The following MTUS1 variants were observed in gnomAD, a reference collection of about 807,000 sequenced individuals.
MTUS1 encodes microtubule associated scaffold protein 1.
Under a neutral mutation model 120.8 loss-of-function variants are expected in MTUS1, and 109 were observed. The ratio of observed to expected loss-of-function variants is 0.90; its 90% CI spans 0.77 to 1.06. MTUS1 has a LOEUF of 1.06. MTUS1 is among the 50% of genes least tolerant of loss of function. The pLI, the probability that MTUS1 is intolerant of heterozygous loss-of-function variation, is 0.00. For synonymous variants in MTUS1, 737 were observed against 550.5 expected, an observed-to-expected ratio of 1.34 and a Z score of -4.74; for missense variants, 2,210 against 1,486.3, an observed-to-expected ratio of 1.49 and a Z score of -8.01.
intron 6 of MTUS1, among the ~76,000 whole-genome samples, chr8:17,688,415 A>T (rs6586634): frequency 0.82 from 125,281 of 152,210 alleles, 51,760 homozygotes; most frequent in East Asian, 0.98. Context: ...CCTATCTGTA[A>T]AAAGGTGACA....
At chr8:17,737,782 C>T (rs924023339) in intron 3 of MTUS1, among the ~76,000 whole-genome samples, 6 of 152,108 alleles carry the variant, frequency 3.9e-5, no homozygotes, top group African/African-American at 1.2e-4. Context: ...CCACCATGTC[C>T]GGCCTCAACT....
At chr8:17,707,868 T>C (rs1029275252) in intron 6 of MTUS1, among the ~76,000 whole-genome samples, 3 of 152,324 alleles carry the variant, frequency 2.0e-5, no homozygotes, top group Middle Eastern at 3.4e-3. Context: ...GGCATTTAAA[T>C]GGGGGAAATA....
At chr8:17,765,618 CAA>C (rs3039983) in intron 1 of MTUS1, among the ~76,000 whole-genome samples, 3 of 94,460 alleles carry the variant, frequency 3.2e-5, no homozygotes, top group Admixed American at 1.2e-4. Context: ...GACTCTGTCT[CAA>C]AAAAAAAAAA....
At chr8:17,675,127 C>T in intron 8 of MTUS1, 59 bp downstream of exon 8, 2 of 1,607,638 alleles carry the variant, frequency 1.2e-6, no homozygotes, top group Admixed American at 1.7e-5. Context: ...AGGACAACCA[C>T]ATTTTCCAGT....
Position 17,689,958 on chromosome 8 carries a change from T to C in MTUS1, c.2624-5416A>G, listed in dbSNP as rs193144664. ...GAACTAGAAAAAACTCTTCACAACA[T>C]TGGCCGACGCAAGGAATTCATGACT... On this transcript the variant is annotated intron_variant, in intron 6 of 14. Transcript: ENST00000693296. Among the ~76,000 whole-genome samples, 237 of 152,150 alleles carry C rather than the reference T, an allele frequency of 1.6e-3. 1 individual carries two copies. The highest frequency in any genetic ancestry group is 5.4e-3 in the African/African-American group (225 of 41,502).
At chr8:17,681,685 T>C (rs1363066793) in intron 7 of MTUS1, 1 of 154,708 alleles carries the variant, frequency 6.5e-6, no homozygotes, top group South Asian at 2.0e-4. Context: ...TTCTCCTCCA[T>C]CTCTTTATGT....
chr8:17,695,214 T>C (rs1817715268), intron 6 of MTUS1, among the ~76,000 whole-genome samples: 1 of 152,196 alleles, frequency 6.6e-6, no homozygotes, highest in Admixed American at 6.5e-5. Flanking sequence ...TTATATTCCT[T>C]ACATGATTTT....
At chr8:17,660,011 G>A (rs958554828) in intron 8 of MTUS1, among the ~76,000 whole-genome samples, 7 of 152,016 alleles carry the variant, frequency 4.6e-5, no homozygotes, top group Non-Finnish European at 7.4e-5. Flanking sequence ...TTCATTTAGC[G>A]TATGTCCTCA....
intron 1 of MTUS1, among the ~76,000 whole-genome samples, chr8:17,767,708 A>AAAAAAAAAAAAAAAAAC (rs1563358014): frequency 8.0e-6 from 1 of 125,160 alleles, no homozygotes; most frequent in African/African-American, 2.9e-5. Context: ...CTTAAAAAAA[A>AAAAAAAAAAAAAAAAAC]AAAAAAAAAA....
chr8:17,686,575 C>A (rs1315046777), intron 6 of MTUS1, among the ~76,000 whole-genome samples: 1 of 152,106 alleles, frequency 6.6e-6, no homozygotes, highest in African/African-American at 2.4e-5. Context: ...TTTCCTGAGT[C>A]CTGAGTAACA....
chr8:17,722,474 T>C, intron 4 of MTUS1: 1 of 985,280 alleles, frequency 1.0e-6, no homozygotes, highest in Non-Finnish European at 1.2e-6. Context: ...GTGCCACACC[T>C]TCAAAATTCC....
At chr8:17,744,683 TG>T (rs2047601204) in intron 2 of MTUS1, among the ~76,000 whole-genome samples, 2 of 145,278 alleles carry the variant, frequency 1.4e-5, no homozygotes, top group African/African-American at 2.5e-5. Context: ...GGTTTCACCA[TG>T]TTTTCTTTTT....
Position 17,715,915 on chromosome 8 carries a change from G to A in MTUS1, c.2450-14C>T, listed in dbSNP as rs1431641902. On this transcript the variant is annotated splice_polypyrimidine_tract_variant and intron_variant, in intron 4 of 14. Coordinates refer to ENST00000693296, the MANE Select transcript of MTUS1 (RefSeq NM_001363059.2). ...CGGCATTACCAGCTGTAATAAAACA[G>A]AAAAGTACATTTTATTGTATAGATA... 1 of 1,604,502 alleles carries A rather than the reference G, an allele frequency of 6.2e-7. No homozygotes were observed. The highest frequency in any genetic ancestry group is 8.5e-7 in the Non-Finnish European group (1 of 1,177,074).
intron 7 of MTUS1, chr8:17,676,364 C>T (rs528350204): frequency 1.6e-5 from 11 of 702,808 alleles, no homozygotes; most frequent in East Asian, 5.4e-5. Flanking sequence ...CCCCACCCCT[C>T]GCACTGTGCA....
intron 1 of MTUS1, among the ~76,000 whole-genome samples, chr8:17,788,757 C>T (rs1368453132): frequency 6.6e-6 from 1 of 152,212 alleles, no homozygotes; most frequent in African/African-American, 2.4e-5. Context: ...AAAGCCCTTG[C>T]TCTCTTAGAT....
At chr8:17,760,762 A>G (rs573136668) in intron 1 of MTUS1, among the ~76,000 whole-genome samples, 2 of 151,888 alleles carry the variant, frequency 1.3e-5, no homozygotes, top group Admixed American at 6.6e-5. Context: ...ATTAAACAAG[A>G]TGCAGAAAGT....
At position 17,723,821 on chromosome 8, in the gene MTUS1, G is replaced by A; in HGVS notation, c.2300C>T (p.Ser767Phe). The stretch of plus-strand genomic sequence containing the variant: ...CCATGACGACTGTGCAGTTTTCAAG[G>A]ATGTAGGCTTTCCTTGGGGTTTAAA... ...RRVSSSGKPTSLKTAQSSWVN... is the reference protein window; with the variant it reads ...RRVSSSGKPTFLKTAQSSWVN... Residue 767 changes from serine (S) to phenylalanine (F), a missense_variant, in exon 4 of 15, where the codon TCC becomes TTC. Coordinates refer to ENST00000693296, the MANE Select transcript of MTUS1 (RefSeq NM_001363059.2). 1 of 1,571,686 alleles carries A rather than the reference G, an allele frequency of 6.4e-7. No individual in the cohort carries two copies.
chr8:17,704,933 A>T lies in MTUS1; in HGVS notation c.2623+8281T>A, dbSNP rs551151604. On this transcript the variant is annotated intron_variant, in intron 6 of 14. Coordinates refer to ENST00000693296, the MANE Select transcript of MTUS1 (RefSeq NM_001363059.2). ...AGAGCTCTACACAGAGTATGTGCTA[A>T]TATAACCTCAGTTTGTTCTTTGCTT... is the stretch of plus-strand genomic sequence containing the variant. 4.6e-5 allele frequency among the ~76,000 whole-genome samples: 7 copies of T among 152,294 alleles called. No homozygotes were observed. In the South Asian group the frequency reaches 1.4e-3, roughly 32 times the overall value.
chr8:17,683,086 C>A (rs1022594744), intron 7 of MTUS1, among the ~76,000 whole-genome samples: 1 of 152,170 alleles, frequency 6.6e-6, no homozygotes. Flanking sequence ...TCCTGCCTAA[C>A]ACAGTGAAAC....
Sources: allele counts gnomAD v4.1 joint callset (sites outside exome capture counted in the v4.1 genomes callset), GRCh38; gene constraint gnomAD v4.1.1; transcripts MANE v1.5; gene names NCBI Gene and HGNC (gene_info 2026-07-23, HGNC 2026-07-21).